The following SPECC1 variants were observed in gnomAD, a reference collection of about 807,000 sequenced individuals.
SPECC1 encodes the protein sperm antigen with calponin homology and coiled-coil domains 1.
In SPECC1, 62 loss-of-function variants were observed where a neutral mutation model predicts 104.1. The ratio of observed to expected loss-of-function variants is 0.60; its 90% CI spans 0.49 to 0.74. The LOEUF (loss-of-function observed/expected upper bound fraction) is 0.74, where lower values mean the gene tolerates loss of function less well. SPECC1 is among the 30% of genes least tolerant of loss of function. The probability of loss-of-function intolerance (pLI) is 0.00; values close to 1 mark genes in which losing one functional copy is unlikely to be tolerated. For missense variants in SPECC1, 1,306 were observed against 1,310.5 expected (o/e 1.00, Z 0.05); for synonymous variants, 513 against 501.6 (o/e 1.02, Z -0.30).
chr17:20,272,315 A>G (rs987455288), intron 12 of SPECC1, among the ~76,000 whole-genome samples: 1 of 146,820 alleles, frequency 6.8e-6, no homozygotes, highest in African/African-American at 2.6e-5. Flanking sequence ...AATCTTCCAA[A>G]TTCTATTAAA....
chr17:20,167,985 T>C (rs2033798384), intron 3 of SPECC1, among the ~76,000 whole-genome samples: 1 of 152,192 alleles, frequency 6.6e-6, no homozygotes, highest in South Asian at 2.1e-4. Flanking sequence ...CAGAAAAATA[T>C]TAAACACATA....
At chr17:20,308,036 T>C (rs1031366570) in intron 14 of SPECC1, among the ~76,000 whole-genome samples, 4 of 152,078 alleles carry the variant, frequency 2.6e-5, no homozygotes, top group African/African-American at 9.7e-5. Context: ...CAATGAGGAT[T>C]TTTAAAGATG....
chr17:20,287,661 C>A (rs12949481), intron 12 of SPECC1, among the ~76,000 whole-genome samples: 66,053 of 151,960 alleles, frequency 0.43, 14,925 homozygotes, highest in East Asian at 0.8. Context: ...TTGTTGTAAG[C>A]ACAGCAGCAG....
chr17:20,074,936 G>A (rs1213983408), intron 1 of SPECC1, among the ~76,000 whole-genome samples: 1 of 151,682 alleles, frequency 6.6e-6, no homozygotes, highest in Non-Finnish European at 1.5e-5. Flanking sequence ...GAGCCTTGCT[G>A]TTGTCACCCA....
At chr17:20,013,086 T>G (rs1157681079) in intron 1 of SPECC1, among the ~76,000 whole-genome samples, 6 of 152,240 alleles carry the variant, frequency 3.9e-5, no homozygotes, top group Admixed American at 3.9e-4. Flanking sequence ...CACCACATTT[T>G]GCTTATCCAT....
chr17:20,043,345 C>CTTT (rs1160570911), intron 1 of SPECC1, among the ~76,000 whole-genome samples: 1 of 152,102 alleles, frequency 6.6e-6, no homozygotes. Flanking sequence ...CCCAAGCAGC[C>CTTT]TTTTACTCAG....
chr17:20,200,952 A>G (rs959790435), intron 3 of SPECC1, among the ~76,000 whole-genome samples: 1 of 152,090 alleles, frequency 6.6e-6, no homozygotes, highest in Admixed American at 6.5e-5. Context: ...TGTACATTTC[A>G]TAATACACAT....
At chr17:20,017,774 C>T (rs1317693958) in intron 1 of SPECC1, among the ~76,000 whole-genome samples, 2 of 152,176 alleles carry the variant, frequency 1.3e-5, no homozygotes, top group African/African-American at 4.8e-5. Flanking sequence ...TCACAAAGAT[C>T]GTCACATACC....
At chr17:20,163,849 C>T (rs1252438924) in intron 3 of SPECC1, among the ~76,000 whole-genome samples, 2 of 152,094 alleles carry the variant, frequency 1.3e-5, no homozygotes, top group African/African-American at 4.8e-5. Flanking sequence ...AGGTGTGAGC[C>T]ACAGTGCCCA....
Position 20,314,122 on chromosome 17 carries a change from G to C in SPECC1, c.*57G>C. Reference sequence around the variant, plus strand: ...ACCTACTGCAGCTTTTCCTGGAAGCGCCTGATTACTGTCCACTGACCCTGC... The same window carrying C: ...ACCTACTGCAGCTTTTCCTGGAAGCCCCTGATTACTGTCCACTGACCCTGC... On this transcript the variant is annotated 3_prime_UTR_variant, in exon 15 of 15. Coordinates refer to ENST00000395527, the MANE Select transcript of SPECC1 (RefSeq NM_001243439.2). The C allele has an allele frequency of 6.8e-7, 1 of 1,469,490 alleles. No homozygotes were observed. The highest frequency in any genetic ancestry group is 1.2e-5 in the South Asian group (1 of 85,024). The allele number at this position is 1,469,490 out of a possible 1,614,324, so 91.0% of individuals were successfully genotyped here.
intron 3 of SPECC1, among the ~76,000 whole-genome samples, chr17:20,135,035 A>G (rs930346150): frequency 6.6e-6 from 1 of 152,178 alleles, no homozygotes. Context: ...GAAATGTTCA[A>G]GTTTGTCAGT....
At chr17:20,187,711 T>C (rs570884030) in intron 3 of SPECC1, among the ~76,000 whole-genome samples, 16 of 152,350 alleles carry the variant, frequency 1.1e-4, no homozygotes, top group African/African-American at 3.8e-4. Context: ...AAGAGATTTT[T>C]AACTCACAGA....
At chr17:20,200,139 A>T (rs1474072385) in intron 3 of SPECC1, among the ~76,000 whole-genome samples, 1 of 152,176 alleles carries the variant, frequency 6.6e-6, no homozygotes, top group African/African-American at 2.4e-5. Context: ...TTTCATATAC[A>T]GTTTGGCTAA....
intron 1 of SPECC1, among the ~76,000 whole-genome samples, chr17:20,036,810 AT>A (rs2045106564): frequency 6.6e-6 from 1 of 152,036 alleles, no homozygotes; most frequent in African/African-American, 2.4e-5. Flanking sequence ...TCCCTTTCTT[AT>A]CGTTTTGCAC....
At chr17:20,240,948 C>T (rs539050936) in intron 7 of SPECC1, among the ~76,000 whole-genome samples, 2 of 152,322 alleles carry the variant, frequency 1.3e-5, no homozygotes, top group African/African-American at 2.4e-5. Context: ...CTGTTTGCAT[C>T]GAGCAGGGCA....
At chr17:20,016,366 G>A (rs957525773) in intron 1 of SPECC1, among the ~76,000 whole-genome samples, 5 of 152,206 alleles carry the variant, frequency 3.3e-5, no homozygotes, top group African/African-American at 1.2e-4. Context: ...CTCTGGCCGC[G>A]CTTGAGGAGC....
chr17:20,069,256 C>T (rs1298356607), intron 1 of SPECC1, among the ~76,000 whole-genome samples: 3 of 152,250 alleles, frequency 2.0e-5, no homozygotes, highest in Non-Finnish European at 4.4e-5. Context: ...ACCTCCAGCT[C>T]CATCCATGTC....
At chr17:20,293,807 C>G (rs2041250318) in intron 12 of SPECC1, among the ~76,000 whole-genome samples, 1 of 152,116 alleles carries the variant, frequency 6.6e-6, no homozygotes, top group African/African-American at 2.4e-5. Flanking sequence ...GAACTTGATG[C>G]TTCATTTGGG....
At chr17:20,310,505 C>T (rs890977474) in intron 14 of SPECC1, among the ~76,000 whole-genome samples, 8 of 152,216 alleles carry the variant, frequency 5.3e-5, no homozygotes, top group African/African-American at 7.2e-5. Flanking sequence ...CTTTCTCAGC[C>T]ACCGTGTAAG....
Sources: allele counts gnomAD v4.1 joint callset (sites outside exome capture counted in the v4.1 genomes callset), GRCh38; gene constraint gnomAD v4.1.1; transcripts MANE v1.5; gene names NCBI Gene and HGNC (gene_info 2026-07-23, HGNC 2026-07-21).